EIF3D: variants seen among roughly 807,000 people sequenced by gnomAD.
The protein encoded by EIF3D is eukaryotic translation initiation factor 3 subunit D.
EIF3D carries 10 observed loss-of-function variants against 75.4 expected under a neutral mutation model. The observed-to-expected ratio is 0.13, with a 90% CI of 0.08 to 0.22. EIF3D has a LOEUF of 0.22. EIF3D is among the 10% of genes least tolerant of loss of function. EIF3D has a pLI of 1.00. For synonymous variants in EIF3D, 246 were observed against 248.3 expected (o/e 0.99, Z 0.09); for missense variants, 394 against 708.0 (o/e 0.56, Z 5.03).
chr22:36,510,872 T>A lies in EIF3D; in HGVS notation c.*115A>T, dbSNP rs981561527. On this transcript the variant is annotated 3_prime_UTR_variant, in exon 15 of 15. Coordinates refer to ENST00000216190, the MANE Select transcript of EIF3D (RefSeq NM_003753.4). ...CGATGAGGGAAAGACTAAACAGATA[T>A]ATATTTTATTTCATCTGCTAAATGT... 4.0e-6 allele frequency: 5 copies of A among 1,253,364 alleles called. No homozygotes were observed. The Admixed American group carries it at 1.1e-4, about 26-fold the overall frequency. The allele number at this position is 1,253,364 out of a possible 1,614,324, so 77.6% of individuals were successfully genotyped here.
chr22:36,525,022 C>T (rs2041779017), intron 3 of EIF3D, among the ~76,000 whole-genome samples: 1 of 152,280 alleles, frequency 6.6e-6, no homozygotes, highest in Middle Eastern at 3.4e-3. Flanking sequence ...TCACTCTCTG[C>T]GTTATTGTGT....
chr22:36,524,993 G>A (rs1332949648), intron 3 of EIF3D, among the ~76,000 whole-genome samples: 2 of 152,138 alleles, frequency 1.3e-5, no homozygotes, highest in East Asian at 3.8e-4. Flanking sequence ...AGAATCTGAA[G>A]GACTCAAACT....
chr22:36,525,369 G>A (rs12170813), intron 3 of EIF3D, among the ~76,000 whole-genome samples: 9,721 of 150,378 alleles, frequency 0.065, 437 homozygotes, highest in African/African-American at 0.14. Context: ...TCAGCCACCC[G>A]AGTAGCTGGG....
At chr22:36,518,666 C>G in intron 9 of EIF3D, 97 bp downstream of exon 9, 1 of 1,491,810 alleles carries the variant, frequency 6.7e-7, no homozygotes, top group South Asian at 1.2e-5. Context: ...CTTGGGAAGA[C>G]AGACCACTTT....
chr22:36,521,206 A>G (rs1027226243), intron 6 of EIF3D, among the ~76,000 whole-genome samples: 1 of 152,076 alleles, frequency 6.6e-6, no homozygotes, highest in Non-Finnish European at 1.5e-5. Context: ...TCTCAATAAA[A>G]GAGAGAAAAG....
intron 12 of EIF3D, among the ~76,000 whole-genome samples, chr22:36,515,608 C>T (rs752885491): frequency 3.9e-5 from 6 of 151,948 alleles, no homozygotes; most frequent in African/African-American, 1.2e-4. Flanking sequence ...TGTTATGGTG[C>T]GAAAGAAAAC....
Position 36,512,537 on chromosome 22 carries a change from C to T in EIF3D, c.1272G>A (p.Glu424=). ...DSQRGAVIAT[E]LKNNSYKLAR... ...CCAACTTGTAGCTGTTGTTCTTCAG[C>T]TCCGTGGCAATGACAGCCCCTCGCT... is the stretch of plus-strand genomic sequence containing the variant. The change falls in exon 13 of 15, where the codon GAG becomes GAA. Residue 424 remains glutamate (E), a synonymous_variant. Transcript: ENST00000216190. 1 of 1,614,212 alleles carries T rather than the reference C, an allele frequency of 6.2e-7. No individual in the cohort carries two copies. The highest frequency in any genetic ancestry group is 1.1e-5 in the South Asian group (1 of 91,086).
In EIF3D at chr22:36,511,564, A is replaced by C; in HGVS notation, c.1572T>G (p.Asp524Glu). 1 of 1,614,022 alleles carries C rather than the reference A, an allele frequency of 6.2e-7. No homozygotes were observed. The highest frequency in any genetic ancestry group is 8.5e-7 in the Non-Finnish European group (1 of 1,179,986). The change falls in exon 14 of 15, where the codon GAT (aspartate) becomes GAG (glutamate). Residue 524 changes from aspartate to glutamate, a missense_variant. By Grantham distance (45) the Asp-to-Glu change is conservative. Coordinates refer to ENST00000216190, the MANE Select transcript of EIF3D (RefSeq NM_003753.4). ...CATCTTCATCAGAGCTGAAGGTGCCATCAGGGAGGCTGTAGACACGGATGA... is the reference window on the plus strand; with the variant it reads ...CATCTTCATCAGAGCTGAAGGTGCCCTCAGGGAGGCTGTAGACACGGATGA... ...KQVIRVYSLP[D>E]GTFSSDEDEE...
chr22:36,526,919 A>G (rs1934613312), intron 1 of EIF3D: 1 of 152,232 alleles, frequency 6.6e-6, no homozygotes. Context: ...CAAAATAAAC[A>G]AGATCCTTGT....
At chr22:36,511,863 A>C (rs1263513676) in intron 13 of EIF3D, 77 bp from the exon 14 acceptor site, 30 of 1,559,780 alleles carry the variant, frequency 1.9e-5, no homozygotes, top group Non-Finnish European at 2.5e-5. Flanking sequence ...ATGTCAATTA[A>C]ATGGTGATAC....
Position 36,519,509 on chromosome 22 carries a change from C to T in EIF3D, c.607G>A (p.Asp203Asn), listed in dbSNP as rs1934478785. The change falls in exon 8 of 15, where the codon GAC (aspartate) becomes AAC (asparagine). Residue 203 changes from aspartate to asparagine, a missense_variant. Coordinates refer to ENST00000216190, the MANE Select transcript of EIF3D (RefSeq NM_003753.4). ...GTGGTGATGCGGTCAAAGGCTTTGT[C>T]GTAGTATTCTAGGGCCCCACAACAC... ...IECCGALEYY[D>N]KAFDRITTRS... The T allele has an allele frequency of 4.3e-6, 7 of 1,614,086 alleles. No individual in the cohort carries two copies. Among genetic ancestry groups the T allele is most frequent in the South Asian group, 2.2e-5 (2 of 91,082 alleles).
rs1306473351 is a variant in EIF3D, at chr22:36,523,271, G to A, written c.403C>T (p.Arg135Ter). 1 of 1,613,038 alleles carries A rather than the reference G, an allele frequency of 6.2e-7. No homozygotes were observed. Residue 135 changes from arginine to a stop codon, truncating the protein, a stop_gained, in exon 6 of 15, where the codon CGA becomes TGA. Coordinates refer to ENST00000216190, the MANE Select transcript of EIF3D (RefSeq NM_003753.4). LOFTEE classifies it high-confidence loss of function. Reference sequence around the variant, plus strand: ...TGTTTCTGGAACTTTTTCTGCAGTCGAATGCGTTCTCTGGAAAGACAGACA... The same window carrying A: ...TGTTTCTGGAACTTTTTCTGCAGTCAAATGCGTTCTCTGGAAAGACAGACA... ...SAKQKERERI[R>*]LQKKFQKQFG...
intron 14 of EIF3D, 151 bp from the exon 15 acceptor site, chr22:36,511,151 A>G (rs1047635329): frequency 9.9e-7 from 1 of 1,014,494 alleles, no homozygotes; most frequent in African/African-American, 1.6e-5. Flanking sequence ...CTGGGCAGGT[A>G]TTTCCTTCAG....
chr22:36,529,109 G>A lies in EIF3D; in HGVS notation c.-44C>T, dbSNP rs1404145515. 2 of 394,930 alleles carry A rather than the reference G, an allele frequency of 5.1e-6. No homozygotes were observed. Among genetic ancestry groups the A allele is most frequent in the East Asian group, 3.6e-5 (1 of 27,906 alleles). The allele number at this position is 394,930 out of a possible 1,614,324, so 24.5% of individuals were successfully genotyped here. Reference sequence around the variant, plus strand: ...GCCTCGGCCGGCCGGGATGGCAACAGATGGTGCGTGCCGGGGACCGCGTTA... The same window carrying A: ...GCCTCGGCCGGCCGGGATGGCAACAAATGGTGCGTGCCGGGGACCGCGTTA... On this transcript the variant is annotated 5_prime_UTR_variant, in exon 1 of 15. Transcript: ENST00000216190.
intron 13 of EIF3D, among the ~76,000 whole-genome samples, chr22:36,512,045 T>C (rs1385955792): frequency 3.3e-5 from 5 of 152,052 alleles, no homozygotes; most frequent in Non-Finnish European, 5.9e-5. Flanking sequence ...CGCCCGCCAC[T>C]ACGCCCGGCT....
chr22:36,525,850 C>A, intron 2 of EIF3D, 141 bp from the exon 3 acceptor site: 1 of 1,455,794 alleles, frequency 6.9e-7, no homozygotes, highest in South Asian at 1.3e-5. Context: ...CCCAGCTCTT[C>A]TATGACTACA....
chr22:36,516,866 C>A, intron 10 of EIF3D, 76 bp from the exon 11 acceptor site: 1 of 1,379,748 alleles, frequency 7.2e-7, no homozygotes, highest in East Asian at 2.3e-5. Context: ...GACCCAGCAC[C>A]TCTGCTTAGT....
intron 13 of EIF3D, 78 bp downstream of exon 13, chr22:36,512,382 G>C: frequency 6.4e-7 from 1 of 1,571,872 alleles, no homozygotes; most frequent in East Asian, 2.3e-5. Flanking sequence ...CCAGTACACG[G>C]GGAGGGGAGG....
chr22:36,525,844 G>T, intron 2 of EIF3D, 135 bp from the exon 3 acceptor site: 1 of 1,441,526 alleles, frequency 6.9e-7, no homozygotes. Context: ...TAAGTGCCCA[G>T]CTCTTCTATG....
Sources: gnomAD v4.1 joint callset for allele counts (sites outside exome capture counted in the v4.1 genomes callset) on GRCh38, gnomAD v4.1.1 for gene constraint, MANE v1.5 for transcripts, NCBI Gene and HGNC (gene_info 2026-07-23, HGNC 2026-07-21) for gene names.